Variants in PIP4K2A observed in about 807,000 individuals in gnomAD.
PIP4K2A encodes phosphatidylinositol-5-phosphate 4-kinase type 2 alpha, also known as phosphatidylinositol 5-phosphate 4-kinase type-2 alpha.
In PIP4K2A, 14 loss-of-function variants were observed where a neutral mutation model predicts 42.9. The observed-to-expected ratio is 0.33, with a 90% confidence interval of 0.22 to 0.51. The LOEUF (loss-of-function observed/expected upper bound fraction) is 0.51, where lower values mean the gene tolerates loss of function less well. Ranked by LOEUF, PIP4K2A falls within the 20% of genes least tolerant of loss-of-function variation. The probability of loss-of-function intolerance (pLI) is 0.97; values close to 1 mark genes in which losing one functional copy is unlikely to be tolerated. For synonymous variants in PIP4K2A, 192 were observed against 192.2 expected, an observed-to-expected ratio of 1.00 and a Z score of 0.01; for missense variants, 434 against 519.8, an observed-to-expected ratio of 0.83 and a Z score of 1.61.
intron 1 of PIP4K2A, among the ~76,000 whole-genome samples, chr10:22,664,092 T>TATATATATAC (rs1839273536): frequency 1.7e-4 from 11 of 62,896 alleles, no homozygotes; most frequent in East Asian, 1.5e-3. Context: ...TATATATACA[T>TATATATATAC]ATATATATAT....
At chr10:22,648,304 G>T (rs1224314130) in intron 1 of PIP4K2A, among the ~76,000 whole-genome samples, 1 of 152,218 alleles carries the variant, frequency 6.6e-6, no homozygotes, top group African/African-American at 2.4e-5. Flanking sequence ...ACGGTGTGGG[G>T]AGAGTTAATT....
intron 9 of PIP4K2A, chr10:22,539,431 C>T (rs555757607): frequency 6.5e-6 from 1 of 153,606 alleles, no homozygotes; most frequent in African/African-American, 2.4e-5. Context: ...ATTTTGCACT[C>T]AAGAGATTTC....
rs186473009 is a variant in PIP4K2A at position 22,563,022 on chromosome 10, G to C, written c.678+4829C>G. ...AAAAGGAAATGGTGGATGTTTCTTT[G>C]GCCATTTGCCCTTTTACTGTGCATG... is the stretch of plus-strand genomic sequence containing the variant. On this transcript the variant is annotated intron_variant, in intron 6 of 9. Coordinates refer to ENST00000376573, the MANE Select transcript of PIP4K2A (RefSeq NM_005028.5). Among the ~76,000 whole-genome samples, 818 of 152,232 alleles carry C rather than the reference G, an allele frequency of 5.4e-3. 11 individuals carry two copies. The highest frequency in any genetic ancestry group is 0.018 in the African/African-American group (742 of 41,526).
intron 1 of PIP4K2A, among the ~76,000 whole-genome samples, chr10:22,611,946 A>G (rs547756151): frequency 2.6e-5 from 4 of 152,318 alleles, no homozygotes; most frequent in South Asian, 2.1e-4. Flanking sequence ...AGATCCTCCA[A>G]AGCTTTGATG....
At position 22,573,335 on chromosome 10, in the gene PIP4K2A, A is replaced by C; in HGVS notation, c.615T>G (p.Ser205=). ...CCTTTAAGTCGTATTTCCTATACAC[A>C]GACAAACGGTGGCTGAATACATTTC... ...VTRNVFSHRL[S]VYRKYDLKGS... The change falls in exon 5 of 10, where the codon TCT becomes TCG. Residue 205 remains serine (S), a synonymous_variant. Transcript: ENST00000376573. 6.2e-7 allele frequency: 1 copy of C among 1,613,832 alleles called. No individual in the cohort carries two copies. The highest frequency in any genetic ancestry group is 8.5e-7 in the Non-Finnish European group (1 of 1,179,734).
At chr10:22,612,540 C>T (rs555530412) in intron 1 of PIP4K2A, among the ~76,000 whole-genome samples, 15 of 152,244 alleles carry the variant, frequency 9.9e-5, no homozygotes, top group East Asian at 5.8e-4. Context: ...CCAGGAGCAC[C>T]GGGAAGCGGC....
At chr10:22,664,152 CACATATATATATATACATATATATATAT>C (rs1411214944) in intron 1 of PIP4K2A, among the ~76,000 whole-genome samples, 5 of 20,842 alleles carry the variant, frequency 2.4e-4, no homozygotes, top group Non-Finnish European at 4.3e-4. Context: ...CATATATATA[CACATATATATATATACATATATATATAT>C]ACATATATAT....
chr10:22,682,635 C>T (rs1222115952), intron 1 of PIP4K2A, among the ~76,000 whole-genome samples: 1 of 152,180 alleles, frequency 6.6e-6, no homozygotes, highest in African/African-American at 2.4e-5. Context: ...GTGGCAGAAG[C>T]AGGAACCCGC....
rs537689841 is a variant in PIP4K2A at position 22,623,580 on chromosome 10, AG to A, written c.145-13864del. Among the ~76,000 whole-genome samples the A allele has an allele frequency of 4.3e-4, 66 of 152,240 alleles. No homozygotes were observed. In the South Asian group the frequency reaches 0.013, roughly 30 times the overall value. On this transcript the variant is annotated intron_variant, in intron 1 of 9. Transcript: ENST00000376573. ...TGTATATTGGAAGGGAGGTACCCCCAGGAACAGTAGGAGCTTAGAGGTTGGC... is the reference window on the plus strand; with the variant it reads ...TGTATATTGGAAGGGAGGTACCCCCAGAACAGTAGGAGCTTAGAGGTTGGC...
At chr10:22,612,426 G>A (rs1486616943) in intron 1 of PIP4K2A, among the ~76,000 whole-genome samples, 1 of 152,212 alleles carries the variant, frequency 6.6e-6, no homozygotes, top group African/African-American at 2.4e-5. Flanking sequence ...GGTGGACAGG[G>A]CTTCCAGGAA....
intron 9 of PIP4K2A, chr10:22,539,717 G>GT: frequency 4.7e-6 from 2 of 421,984 alleles, no homozygotes; most frequent in East Asian, 3.7e-5. Context: ...GGGAGCTGTG[G>GT]TAAGAGCAGC....
intron 4 of PIP4K2A, among the ~76,000 whole-genome samples, chr10:22,580,085 G>C (rs1837228122): frequency 6.6e-6 from 1 of 151,750 alleles, no homozygotes. Context: ...GAGACTTCCA[G>C]GAGCACCTGA....
chr10:22,537,347 T>C (rs1447986082), intron 9 of PIP4K2A, 66 bp from the exon 10 acceptor site: 2 of 1,199,754 alleles, frequency 1.7e-6, no homozygotes, highest in Non-Finnish European at 2.4e-6. Context: ...TATTACTCAA[T>C]ATCTACAGCT....
In PIP4K2A at chr10:22,633,764, G is replaced by A. The variant is rs757210047; in HGVS notation, c.145-24047C>T. ...AGGAAACAATAAATGCTAAACACTC[G>A]CATGTAGTTTTGTTTTCTCGGATCT... On this transcript the variant is annotated intron_variant, in intron 1 of 9. Coordinates refer to ENST00000376573, the MANE Select transcript of PIP4K2A (RefSeq NM_005028.5). Among the ~76,000 whole-genome samples the A allele has an allele frequency of 1.6e-4, 25 of 152,268 alleles. 1 individual carries two copies. The highest frequency in any genetic ancestry group is 6.2e-4 in the South Asian group (3 of 4,822).
intron 1 of PIP4K2A, among the ~76,000 whole-genome samples, chr10:22,617,594 G>GTATC (rs1838202855): frequency 6.6e-6 from 1 of 152,182 alleles, no homozygotes; most frequent in Non-Finnish European, 1.5e-5. Flanking sequence ...ATGTAGAGGA[G>GTATC]ACACTGAGAT....
At chr10:22,713,391 C>T (rs969702457) in intron 1 of PIP4K2A, among the ~76,000 whole-genome samples, 9 of 151,994 alleles carry the variant, frequency 5.9e-5, no homozygotes, top group African/African-American at 2.2e-4. Context: ...CGCCTGCTGT[C>T]CCCGCCCCGG....
intron 9 of PIP4K2A, among the ~76,000 whole-genome samples, chr10:22,537,791 G>GC (rs1276028170): frequency 6.6e-6 from 1 of 152,158 alleles, no homozygotes; most frequent in Non-Finnish European, 1.5e-5. Flanking sequence ...AACATGAGGG[G>GC]CAACAGCAGC....
chr10:22,603,807 C>T (rs574866483), intron 3 of PIP4K2A, among the ~76,000 whole-genome samples: 5 of 152,288 alleles, frequency 3.3e-5, no homozygotes, highest in African/African-American at 1.2e-4. Flanking sequence ...TCCCAGGCAG[C>T]ATTCATCCTG....
intron 1 of PIP4K2A, among the ~76,000 whole-genome samples, chr10:22,703,846 T>G (rs545549279): frequency 6.6e-6 from 1 of 152,006 alleles, no homozygotes; most frequent in East Asian, 1.9e-4. Context: ...AAAAATTGGA[T>G]GTGGAGAAGG....
Sources: gnomAD v4.1 joint callset for allele counts (sites outside exome capture counted in the v4.1 genomes callset) on GRCh38, gnomAD v4.1.1 for gene constraint, MANE v1.5 for transcripts, NCBI Gene and HGNC (gene_info 2026-07-23, HGNC 2026-07-21) for gene names.